The following LZTS1 variants were observed in gnomAD, a reference collection of about 807,000 sequenced individuals.
The protein encoded by LZTS1 is leucine zipper putative tumor suppressor 1.
Under a neutral mutation model 45.8 loss-of-function variants are expected in LZTS1, and 31 were observed. That is an observed-to-expected ratio of 0.68 (90% CI 0.51 to 0.91). LZTS1 has a LOEUF of 0.91. LZTS1 is among the 40% of genes least tolerant of loss of function. The pLI is 0.00. For missense variants in LZTS1, 821 were observed against 788.9 expected (o/e 1.04, Z -0.49); for synonymous variants, 359 against 357.3 (o/e 1.00, Z -0.05).
chr8:20,282,347 G>A (rs992986956), intron 1 of LZTS1, among the ~76,000 whole-genome samples: 4 of 152,230 alleles, frequency 2.6e-5, no homozygotes, highest in Admixed American at 1.3e-4. Flanking sequence ...CTCTGATCTG[G>A]CAGATGCAGA....
intron 1 of LZTS1, among the ~76,000 whole-genome samples, chr8:20,275,306 G>T (rs543404165): frequency 6.6e-6 from 1 of 151,438 alleles, no homozygotes; most frequent in South Asian, 2.1e-4. Context: ...GGATGCTGAG[G>T]CAGGAGAATC....
chr8:20,291,880 C>T (rs1800906397), intron 1 of LZTS1, among the ~76,000 whole-genome samples: 2 of 152,188 alleles, frequency 1.3e-5, no homozygotes, highest in Non-Finnish European at 2.9e-5. Flanking sequence ...AACTTGGGCT[C>T]AGGATCAACA....
intron 1 of LZTS1, among the ~76,000 whole-genome samples, chr8:20,274,744 G>A (rs13280649): frequency 0.26 from 39,995 of 152,182 alleles, 5,852 homozygotes; most frequent in East Asian, 0.51. Context: ...GCCTGGGACT[G>A]TGGGAATTTC....
chr8:20,300,355 C>T (rs1270975331), intron 1 of LZTS1, among the ~76,000 whole-genome samples: 1 of 151,544 alleles, frequency 6.6e-6, no homozygotes, highest in Non-Finnish European at 1.5e-5. Flanking sequence ...TTTTTTGAGA[C>T]GGAGTCTCTC....
At chr8:20,292,482 C>G (rs938465335) in intron 1 of LZTS1, among the ~76,000 whole-genome samples, 2 of 152,226 alleles carry the variant, frequency 1.3e-5, no homozygotes. Context: ...CAACTGCGAC[C>G]AGCACAGCCT....
intron 1 of LZTS1, among the ~76,000 whole-genome samples, chr8:20,287,439 C>T (rs544933505): frequency 6.6e-6 from 1 of 152,334 alleles, no homozygotes; most frequent in East Asian, 1.9e-4. Context: ...AACCCTTGCC[C>T]ACCTCGTTCT....
At chr8:20,271,942 T>C (rs1326606353) in intron 1 of LZTS1, among the ~76,000 whole-genome samples, 1 of 152,178 alleles carries the variant, frequency 6.6e-6, no homozygotes, top group Non-Finnish European at 1.5e-5. Flanking sequence ...TCCCAGTATA[T>C]GTGTCAGCAC....
At chr8:20,273,420 C>T (rs1308319659) in intron 1 of LZTS1, among the ~76,000 whole-genome samples, 2 of 152,194 alleles carry the variant, frequency 1.3e-5, no homozygotes, top group Admixed American at 1.3e-4. Context: ...CTGCCCTAAA[C>T]ATCCAACTGC....
chr8:20,300,140 T>G (rs1801049816), intron 1 of LZTS1, among the ~76,000 whole-genome samples: 1 of 152,094 alleles, frequency 6.6e-6, no homozygotes, highest in Non-Finnish European at 1.5e-5. Flanking sequence ...GGAGAGGCCT[T>G]GAAGGAGCTG....
At chr8:20,296,863 G>A (rs967662131) in intron 1 of LZTS1, among the ~76,000 whole-genome samples, 1 of 152,174 alleles carries the variant, frequency 6.6e-6, no homozygotes, top group African/African-American at 2.4e-5. Flanking sequence ...GGTGCTGGAC[G>A]CAACCCACAT....
At chr8:20,286,371 T>C (rs1198981168) in intron 1 of LZTS1, among the ~76,000 whole-genome samples, 6 of 152,140 alleles carry the variant, frequency 3.9e-5, no homozygotes, top group African/African-American at 1.2e-4. Context: ...AAATAGGACA[T>C]GCTAATGGAC....
intron 1 of LZTS1, among the ~76,000 whole-genome samples, chr8:20,263,667 C>G (rs1398097488): frequency 6.6e-6 from 1 of 152,146 alleles, no homozygotes; most frequent in Non-Finnish European, 1.5e-5. Context: ...TCCACACAGA[C>G]TCCAGCCTGC....
At chr8:20,299,784 T>C (rs1260464784) in intron 1 of LZTS1, among the ~76,000 whole-genome samples, 1 of 152,152 alleles carries the variant, frequency 6.6e-6, no homozygotes, top group Non-Finnish European at 1.5e-5. Context: ...CAATTCACAC[T>C]CTCAACTGCA....
At position 20,303,932 on chromosome 8, in the gene LZTS1, A is replaced by T. The variant is rs1361650820; in HGVS notation, c.-327T>A. 1.0e-6 allele frequency: 1 copy of T among 982,556 alleles called. No individual in the cohort carries two copies. The highest frequency in any genetic ancestry group is 1.8e-5 in the African/African-American group (1 of 57,100). The allele number at this position is 982,556 out of a possible 1,614,324, so 60.9% of individuals were successfully genotyped here. On this transcript the variant is annotated 5_prime_UTR_variant, in exon 1 of 4. Transcript: ENST00000381569. ...TCGGCCTCCCCGCCCGGCCGCTGCC[A>T]ACCCGCCAGCTCCAGGCGCGCCGGC...
intron 1 of LZTS1, among the ~76,000 whole-genome samples, chr8:20,256,060 C>CAAAA (rs386412254): frequency 2.8e-3 from 156 of 56,270 alleles, no homozygotes; most frequent in East Asian, 4.3e-3. Flanking sequence ...GGGCCTGACT[C>CAAAA]AAAAAAAAAA....
rs771940536 is a variant in LZTS1, at chr8:20,249,807, C to T, written c.1706G>A (p.Arg569His). The T allele has an allele frequency of 1.2e-5, 20 of 1,614,022 alleles. No individual in the cohort carries two copies. The East Asian group carries it at 1.8e-4, about 14-fold the overall frequency. The change falls in exon 4 of 4, where the codon CGT (arginine) becomes CAT (histidine). Residue 569 changes from arginine (R) to histidine (H), a missense_variant. By Grantham distance (29) the Arg-to-His change is conservative. Transcript: ENST00000381569. ...CAAGGGCTCCCCGGCGCTGTCCCCACGTGCCAGCTGCTGCAGGGCCTTCTC... is the reference window on the plus strand; with the variant it reads ...CAAGGGCTCCCCGGCGCTGTCCCCATGTGCCAGCTGCTGCAGGGCCTTCTC... ...RLEKALQQLA[R>H]GDSAGEPLEV...
intron 1 of LZTS1, among the ~76,000 whole-genome samples, chr8:20,291,907 T>C (rs1800906716): frequency 1.3e-5 from 2 of 152,194 alleles, no homozygotes; most frequent in South Asian, 2.1e-4. Flanking sequence ...AAAAACCTCA[T>C]GCCTTGTCTT....
rs1464484303 is a variant in LZTS1 at position 20,277,330 on chromosome 8, C to T, written c.-134-22015G>A. ...AACCCTCAGTTCTGGGAAGTACCCA[C>T]CCCTTTCCCGGAAAACTCATGAATA... On this transcript the variant is annotated intron_variant, in intron 1 of 3. Transcript: ENST00000381569. Among the ~76,000 whole-genome samples, 6 of 152,308 alleles carry T rather than the reference C, an allele frequency of 3.9e-5. No individual in the cohort carries two copies. In the East Asian group the frequency reaches 1.2e-3, roughly 29 times the overall value.
At chr8:20,266,699 T>G (rs1017160934) in intron 1 of LZTS1, among the ~76,000 whole-genome samples, 5 of 152,212 alleles carry the variant, frequency 3.3e-5, no homozygotes, top group Non-Finnish European at 5.9e-5. Context: ...AAAAGCAGCA[T>G]GAATTTAACC....
Sources: allele counts gnomAD v4.1 joint callset (sites outside exome capture counted in the v4.1 genomes callset), GRCh38; gene constraint gnomAD v4.1.1; transcripts MANE v1.5; gene names NCBI Gene and HGNC (gene_info 2026-07-23, HGNC 2026-07-21).